Variants in OPCML observed in about 807,000 individuals in gnomAD.
The protein encoded by OPCML is opioid-binding protein/cell adhesion molecule.
Under a neutral mutation model 37.8 loss-of-function variants are expected in OPCML, and 13 were observed. The ratio of observed to expected loss-of-function variants is 0.34; its 90% CI spans 0.22 to 0.55. The LOEUF is 0.55. Ranked by LOEUF, OPCML falls within the 20% of genes least tolerant of loss-of-function variation. The pLI is 0.91. For missense variants in OPCML, 341 were observed against 435.6 expected, an observed-to-expected ratio of 0.78 and a Z score of 1.93; for synonymous variants, 176 against 168.8, an observed-to-expected ratio of 1.04 and a Z score of -0.33.
chr11:133,043,956 G>A (rs1051763400), intron 1 of OPCML, among the ~76,000 whole-genome samples: 4 of 152,198 alleles, frequency 2.6e-5, no homozygotes, highest in Non-Finnish European at 5.9e-5. Context: ...ATGCTGAATC[G>A]AGGGGGGCAC....
chr11:132,881,816 T>C (rs1476318948), intron 2 of OPCML, among the ~76,000 whole-genome samples: 2 of 152,202 alleles, frequency 1.3e-5, no homozygotes, highest in Non-Finnish European at 2.9e-5. Context: ...AAAAGTTGTG[T>C]TCACAGATAA....
intron 2 of OPCML, among the ~76,000 whole-genome samples, chr11:132,920,974 C>T (rs1944774092): frequency 6.6e-6 from 1 of 152,186 alleles, no homozygotes; most frequent in Non-Finnish European, 1.5e-5. Flanking sequence ...TTTTCCTTGC[C>T]TGACCCCCTC....
At chr11:132,780,314 C>T (rs758157244) in intron 2 of OPCML, among the ~76,000 whole-genome samples, 11 of 152,172 alleles carry the variant, frequency 7.2e-5, no homozygotes, top group African/African-American at 2.7e-4. Context: ...TGTGAGGGAC[C>T]GTGAGTCGCA....
intron 4 of OPCML, among the ~76,000 whole-genome samples, chr11:132,526,164 G>A (rs1414979403): frequency 6.6e-6 from 1 of 152,102 alleles, no homozygotes; most frequent in African/African-American, 2.4e-5. Flanking sequence ...ATAATGAATT[G>A]TTTCAGGACA....
intron 2 of OPCML, among the ~76,000 whole-genome samples, chr11:132,737,761 C>A (rs1335571762): frequency 6.6e-6 from 1 of 152,016 alleles, no homozygotes; most frequent in Non-Finnish European, 1.5e-5. Flanking sequence ...TAAACAGCAA[C>A]AAAACAAATT....
At chr11:133,418,905 G>A (rs7104823) in intron 1 of OPCML, among the ~76,000 whole-genome samples, 58,160 of 152,014 alleles carry the variant, frequency 0.38, 14,841 homozygotes, top group African/African-American at 0.73. Flanking sequence ...CTGATGACCA[G>A]CTGACTCCAC....
chr11:133,418,203 C>T (rs932434187), intron 1 of OPCML: 30 of 985,404 alleles, frequency 3.0e-5, no homozygotes, highest in South Asian at 2.8e-4. Context: ...TTCGGGTTTC[C>T]ACCTGATAGG....
intron 1 of OPCML, among the ~76,000 whole-genome samples, chr11:133,375,914 T>C (rs79371181): frequency 0.026 from 3,901 of 152,246 alleles, 96 homozygotes; most frequent in African/African-American, 0.07. Context: ...GACAAAAGTG[T>C]CAGCTCCTCA....
rs149356028 is a variant in OPCML, at chr11:132,941,499, C to T, written c.146+1427G>A. ...ATTATAACCCGTGTGCTGCTTATAT[C>T]TTTAAGCCAACTAGCTCACTGCAAA... is the stretch of plus-strand genomic sequence containing the variant. On this transcript the variant is annotated intron_variant, in intron 2 of 7. Coordinates refer to ENST00000524381, the MANE Select transcript of OPCML (RefSeq NM_001012393.5). Among the ~76,000 whole-genome samples, 258 of 152,286 alleles carry T rather than the reference C, an allele frequency of 1.7e-3. 1 individual carries two copies. The highest frequency in any genetic ancestry group is 0.016 in the South Asian group (79 of 4,820).
At chr11:132,809,291 G>T (rs1307930327) in intron 2 of OPCML, among the ~76,000 whole-genome samples, 1 of 152,274 alleles carries the variant, frequency 6.6e-6, no homozygotes, top group East Asian at 1.9e-4. Context: ...AAATGAGGTG[G>T]GAAGACAGAG....
Position 133,170,142 on chromosome 11 carries a change from G to A in OPCML, c.62-227132C>T, listed in dbSNP as rs983433633. Among the ~76,000 whole-genome samples, 24 of 152,132 alleles carry A rather than the reference G, an allele frequency of 1.6e-4. 1 individual carries two copies. The highest frequency in any genetic ancestry group is 1.4e-3 in the Admixed American group (22 of 15,272). ...ATATTATCTACCTAACTACCTGTCT[G>A]TCTACCCATCCATCTATGATTTACT... On this transcript the variant is annotated intron_variant, in intron 1 of 7. Transcript: ENST00000524381.
At chr11:132,593,965 G>A (rs115804873) in intron 3 of OPCML, among the ~76,000 whole-genome samples, 34 of 152,216 alleles carry the variant, frequency 2.2e-4, no homozygotes, top group African/African-American at 6.7e-4. Flanking sequence ...CAATTTTCTC[G>A]TAACAGTAAT....
At chr11:132,443,138 A>G (rs1187943481) in intron 4 of OPCML, among the ~76,000 whole-genome samples, 2 of 152,218 alleles carry the variant, frequency 1.3e-5, no homozygotes, top group Admixed American at 6.5e-5. Flanking sequence ...AATGCCAGCA[A>G]CTGCTGCAGC....
intron 1 of OPCML, among the ~76,000 whole-genome samples, chr11:133,233,213 C>A (rs1160964300): frequency 6.6e-6 from 1 of 152,182 alleles, no homozygotes; most frequent in African/African-American, 2.4e-5. Context: ...GAAGATGCAA[C>A]TGCACCTCCC....
rs190852216 is a variant in OPCML, at chr11:132,548,895, T to G, written c.380-19709A>C. Reference sequence around the variant, plus strand: ...ACTGGAATACAGACATATTGTAAAATATATGTAAATTGTATACAAAGAGAC... The same window carrying G: ...ACTGGAATACAGACATATTGTAAAAGATATGTAAATTGTATACAAAGAGAC... On this transcript the variant is annotated intron_variant, in intron 3 of 7. Transcript: ENST00000524381. 3.3e-5 allele frequency among the ~76,000 whole-genome samples: 5 copies of G among 152,302 alleles called. No homozygotes were observed. The East Asian group carries it at 9.6e-4, about 29-fold the overall frequency.
intron 1 of OPCML, among the ~76,000 whole-genome samples, chr11:133,336,361 TG>T (rs1380812804): frequency 6.7e-6 from 1 of 149,394 alleles, no homozygotes; most frequent in Non-Finnish European, 1.5e-5. Context: ...ATTCCACTAA[TG>T]GGAAAAAAAA....
chr11:132,676,902 A>G (rs1355027485), intron 2 of OPCML, among the ~76,000 whole-genome samples: 1 of 151,984 alleles, frequency 6.6e-6, no homozygotes, highest in Non-Finnish European at 1.5e-5. Flanking sequence ...TGGCTAATGC[A>G]TTAAGACAAG....
intron 1 of OPCML, among the ~76,000 whole-genome samples, chr11:133,051,127 C>T (rs1359305725): frequency 6.6e-6 from 1 of 152,012 alleles, no homozygotes; most frequent in African/African-American, 2.4e-5. Flanking sequence ...GACCAAAGCT[C>T]ATAACTTCTC....
At chr11:132,981,578 G>A (rs1449701440) in intron 1 of OPCML, among the ~76,000 whole-genome samples, 1 of 152,178 alleles carries the variant, frequency 6.6e-6, no homozygotes, top group Admixed American at 6.5e-5. Context: ...TTGACTATTG[G>A]CTGAAGAGGT....
Sources: allele counts gnomAD v4.1 joint callset (sites outside exome capture counted in the v4.1 genomes callset), GRCh38; gene constraint gnomAD v4.1.1; transcripts MANE v1.5; gene names NCBI Gene and HGNC (gene_info 2026-07-23, HGNC 2026-07-21).